The following SPMIP4 variants were observed in gnomAD, a reference collection of about 807,000 sequenced individuals.
SPMIP4 encodes sperm microtubule inner protein 4.
At chr7:25,135,548 G>C in the SPMIP4 span, 1 of 970,914 alleles carries the variant, frequency 1.0e-6, no homozygotes, top group Non-Finnish European at 1.2e-6. Flanking sequence ...TAAAGGGACA[G>C]TGTTCTCATT....
chr7:25,129,890 G>A, the SPMIP4 span, among the ~76,000 whole-genome samples: 1 of 151,950 alleles, frequency 6.6e-6, no homozygotes, highest in South Asian at 2.1e-4. Context: ...GCAGAAGGAT[G>A]GGAGATAATT....
chr7:25,136,991 G>C, the SPMIP4 span, among the ~76,000 whole-genome samples: 1 of 152,192 alleles, frequency 6.6e-6, no homozygotes, highest in Non-Finnish European at 1.5e-5. This position sits in a 1 kb window ranked among gnomAD's most constrained non-coding sequence, Gnocchi z 5.7. Flanking sequence ...TGGTTTTAGA[G>C]AGTATGAAAG....
chr7:25,167,461 A>G, the SPMIP4 span, among the ~76,000 whole-genome samples: 3 of 152,204 alleles, frequency 2.0e-5, no homozygotes, highest in Admixed American at 6.5e-5. Context: ...GGTCCTCACT[A>G]TCTATTATTT....
chr7:25,151,561 C>T, the SPMIP4 span: 2 of 1,328,840 alleles, frequency 1.5e-6, no homozygotes, highest in Non-Finnish European at 1.1e-6. Flanking sequence ...ATATTTGTTA[C>T]TTTCCTTTAA....
chr7:25,151,570 A>G, the SPMIP4 span: 4 of 1,414,816 alleles, frequency 2.8e-6, no homozygotes, highest in Admixed American at 7.2e-5. Flanking sequence ...ACTTTCCTTT[A>G]AACACACATT....
chr7:25,135,708 TCTG>T, the SPMIP4 span: 1 of 983,824 alleles, frequency 1.0e-6, no homozygotes. Context: ...CCTTGTATAA[TCTG>T]AAGATGAGAG....
the SPMIP4 span, chr7:25,136,174 G>A: frequency 4.3e-6 from 7 of 1,614,172 alleles, no homozygotes; most frequent in Non-Finnish European, 5.9e-6. The surrounding 1 kb of genome is among the most constrained non-coding windows in gnomAD (Gnocchi z 5.7). Context: ...ACCAAGAACA[G>A]GTCTTGTTTC....
the SPMIP4 span, among the ~76,000 whole-genome samples, chr7:25,131,933 C>G: frequency 6.6e-6 from 1 of 152,196 alleles, no homozygotes; most frequent in East Asian, 1.9e-4. This position sits in a 1 kb window ranked among gnomAD's most constrained non-coding sequence, Gnocchi z 4.2. Context: ...GGATGGAAGT[C>G]AGCGGCGGGT....
At chr7:25,150,635 G>A in the SPMIP4 span, among the ~76,000 whole-genome samples, 2 of 152,266 alleles carry the variant, frequency 1.3e-5, no homozygotes, top group South Asian at 4.1e-4. Flanking sequence ...ATTTTCAAAC[G>A]TCTAGATATT....
the SPMIP4 span, among the ~76,000 whole-genome samples, chr7:25,162,123 T>A: frequency 6.6e-6 from 1 of 151,406 alleles, no homozygotes; most frequent in Non-Finnish European, 1.5e-5. Flanking sequence ...TAGAAAAAAT[T>A]TGCTGGGTGT....
the SPMIP4 span, chr7:25,136,727 G>A: frequency 6.2e-7 from 1 of 1,614,128 alleles, no homozygotes; most frequent in Non-Finnish European, 8.5e-7. The surrounding 1 kb of genome is among the most constrained non-coding windows in gnomAD (Gnocchi z 5.7). Flanking sequence ...CGTCGGTTCT[G>A]AATTAATCGG....
chr7:25,135,917 TTA>T, the SPMIP4 span: 383 of 1,524,608 alleles, frequency 2.5e-4, 2 homozygotes, highest in African/African-American at 4.8e-3. Flanking sequence ...GGAAATTCTG[TTA>T]TATTTTTTAG....
At chr7:25,164,460 T>C in the SPMIP4 span, among the ~76,000 whole-genome samples, 28,157 of 151,970 alleles carry the variant, frequency 0.19, 3,806 homozygotes, top group African/African-American at 0.38. Flanking sequence ...ATGGAGTTAA[T>C]GAAACACTAT....
the SPMIP4 span, among the ~76,000 whole-genome samples, chr7:25,148,347 G>A: frequency 6.6e-6 from 1 of 152,198 alleles, no homozygotes; most frequent in Admixed American, 6.5e-5. Context: ...GCTGAAGCAG[G>A]AGGATGCAGA....
the SPMIP4 span, among the ~76,000 whole-genome samples, chr7:25,145,890 T>C: frequency 6.6e-6 from 1 of 152,088 alleles, no homozygotes; most frequent in South Asian, 2.1e-4. Flanking sequence ...AACATGGTTG[T>C]AATATATTAA....
chr7:25,145,223 C>T, the SPMIP4 span, among the ~76,000 whole-genome samples: 3 of 94,616 alleles, frequency 3.2e-5, no homozygotes, highest in Non-Finnish European at 8.3e-5. Flanking sequence ...CTCGGCCTCC[C>T]AAAATGCTGG....
chr7:25,136,655 A>G, the SPMIP4 span: 1 of 1,614,184 alleles, frequency 6.2e-7, no homozygotes, highest in Admixed American at 1.7e-5. The surrounding 1 kb of genome is among the most constrained non-coding windows in gnomAD (Gnocchi z 5.7). Context: ...AAATTACACA[A>G]AACTCTAGGA....
chr7:25,148,481 T>G, the SPMIP4 span, among the ~76,000 whole-genome samples: 1 of 58,030 alleles, frequency 1.7e-5, no homozygotes, highest in Non-Finnish European at 5.7e-5. Flanking sequence ...CTGCCTCTTT[T>G]TTTTTTTTTT....
the SPMIP4 span, among the ~76,000 whole-genome samples, chr7:25,146,363 C>T: frequency 1.3e-5 from 2 of 152,148 alleles, no homozygotes; most frequent in Non-Finnish European, 2.9e-5. Flanking sequence ...CCATTCTGGG[C>T]ACCTTGTCTG....
Sources: gnomAD v4.1 joint callset for allele counts (sites outside exome capture counted in the v4.1 genomes callset) on GRCh38, gnomAD v4.1.1 for gene constraint, Gnocchi (gnomAD v3.1) non-coding constraint, MANE v1.5 for transcripts, NCBI Gene and HGNC (gene_info 2026-07-23, HGNC 2026-07-21) for gene names.